Variants in FILIP1L observed in about 807,000 individuals in gnomAD.
The protein encoded by FILIP1L is filamin A-interacting protein 1-like.
A neutral mutation model predicts 96.6 loss-of-function variants in FILIP1L; 55 were observed. The ratio of observed to expected loss-of-function variants is 0.57; its 90% confidence interval spans 0.46 to 0.71. FILIP1L has a LOEUF of 0.71. Ranked by LOEUF, FILIP1L falls within the 30% of genes least tolerant of loss-of-function variation. The pLI is 0.00. For missense variants in FILIP1L, 1,304 were observed against 1,321.2 expected, an observed-to-expected ratio of 0.99 and a Z score of 0.20; for synonymous variants, 467 against 473.9, an observed-to-expected ratio of 0.99 and a Z score of 0.19.
intron 4 of FILIP1L, among the ~76,000 whole-genome samples, chr3:99,883,121 G>A (rs1305656312): frequency 6.6e-6 from 1 of 152,200 alleles, no homozygotes; most frequent in African/African-American, 2.4e-5. Flanking sequence ...TCTACGCTTA[G>A]ATTGAATTAT....
rs75580214 is a variant in FILIP1L, at chr3:100,015,846, A to C, written c.-10-84816T>G. ...TGTAAAATAATCTCTATCACATATGATCATTGTAGGGAATAATGAGGCGAT... is the reference window on the plus strand; with the variant it reads ...TGTAAAATAATCTCTATCACATATGCTCATTGTAGGGAATAATGAGGCGAT... On this transcript the variant is annotated intron_variant, in intron 1 of 5. Coordinates refer to ENST00000477258, the MANE Select transcript of FILIP1L (RefSeq NM_001387850.1). Among the ~76,000 whole-genome samples the C allele has an allele frequency of 4.5e-3, 689 of 152,338 alleles. 7 individuals are homozygous for C. Among genetic ancestry groups the C allele is most frequent in the African/African-American group, 0.016 (675 of 41,582 alleles).
At chr3:99,893,235 G>T (rs7635871) in intron 4 of FILIP1L, among the ~76,000 whole-genome samples, 14,366 of 145,450 alleles carry the variant, frequency 0.099, 818 homozygotes, top group African/African-American at 0.16. Flanking sequence ...GCGCAATCTC[G>T]GCTCACTGCA....
At chr3:99,958,423 G>A (rs1708400950) in intron 1 of FILIP1L, among the ~76,000 whole-genome samples, 1 of 151,980 alleles carries the variant, frequency 6.6e-6, no homozygotes, top group Non-Finnish European at 1.5e-5. Flanking sequence ...TGGGCAGTGT[G>A]TGACTGAGCC....
At chr3:100,102,684 C>T (rs951820657) in intron 1 of FILIP1L, among the ~76,000 whole-genome samples, 2 of 152,138 alleles carry the variant, frequency 1.3e-5, no homozygotes, top group Non-Finnish European at 1.5e-5. Flanking sequence ...GTAGTTACTC[C>T]GTGTTTGACT....
chr3:100,084,741 C>G (rs185015260), intron 1 of FILIP1L, among the ~76,000 whole-genome samples: 63 of 152,240 alleles, frequency 4.1e-4, no homozygotes, highest in South Asian at 3.1e-3. Flanking sequence ...TATTTGTGTT[C>G]CGAAAACTGA....
chr3:99,922,180 A>G (rs1707146433), intron 4 of FILIP1L, among the ~76,000 whole-genome samples: 1 of 152,262 alleles, frequency 6.6e-6, no homozygotes, highest in South Asian at 2.1e-4. Flanking sequence ...GTTCATAATA[A>G]TGAAAGATGA....
intron 1 of FILIP1L, among the ~76,000 whole-genome samples, chr3:100,095,712 T>C (rs955994930): frequency 6.6e-6 from 1 of 152,014 alleles, no homozygotes; most frequent in African/African-American, 2.4e-5. Context: ...TTGGTCTGGG[T>C]AAAAATTTAT....
At chr3:100,094,287 TTTATTG>T (rs1381740805) in intron 1 of FILIP1L, among the ~76,000 whole-genome samples, 2 of 152,202 alleles carry the variant, frequency 1.3e-5, no homozygotes, top group African/African-American at 4.8e-5. Context: ...TGGATTGTTC[TTTATTG>T]TTAAGTTTTA....
chr3:99,849,806 T>G lies in FILIP1L; in HGVS notation c.1870A>C (p.Lys624Gln), dbSNP rs1943570078. 6.2e-7 allele frequency: 1 copy of G among 1,612,940 alleles called. No homozygotes were observed. The highest frequency in any genetic ancestry group is 2.2e-5 in the East Asian group (1 of 44,866). The change falls in exon 5 of 6, where the codon AAG becomes CAG. Residue 624 changes from lysine (K) to glutamine (Q), a missense_variant. Transcript: ENST00000477258. Reference protein sequence around the residue: ...STTALHQENNKIKELSQEVER... With the variant: ...STTALHQENNQIKELSQEVER... ...ACTTCTTGAGAGAGCTCCTTAATCTTATTGTTTTCTTGGTGTAATGCTGTT... is the reference window on the plus strand; with the variant it reads ...ACTTCTTGAGAGAGCTCCTTAATCTGATTGTTTTCTTGGTGTAATGCTGTT...
chr3:99,973,923 T>C (rs558485115), intron 1 of FILIP1L, among the ~76,000 whole-genome samples: 2 of 152,234 alleles, frequency 1.3e-5, no homozygotes, highest in Non-Finnish European at 2.9e-5. Context: ...TTTTCAAAGA[T>C]CTTGCATTGT....
At chr3:100,040,172 G>A (rs1423469494) in intron 1 of FILIP1L, 1 of 151,980 alleles carries the variant, frequency 6.6e-6, no homozygotes, top group Non-Finnish European at 1.5e-5. Context: ...GTGAGAAGTA[G>A]GAACCTAAGA....
intron 1 of FILIP1L, among the ~76,000 whole-genome samples, chr3:99,972,541 G>A (rs150122703): frequency 2.3e-3 from 349 of 152,250 alleles, no homozygotes; most frequent in African/African-American, 8.1e-3. Flanking sequence ...CTCTAGTGCT[G>A]TCTGCTGCTG....
chr3:99,878,976 AGAGTT>A (rs1441671255), intron 4 of FILIP1L, among the ~76,000 whole-genome samples: 1 of 152,234 alleles, frequency 6.6e-6, no homozygotes, highest in Non-Finnish European at 1.5e-5. Context: ...TGAAAATAGT[AGAGTT>A]ATGATCACTG....
intron 1 of FILIP1L, among the ~76,000 whole-genome samples, chr3:99,948,962 A>C (rs1708097117): frequency 6.6e-6 from 1 of 152,096 alleles, no homozygotes; most frequent in Middle Eastern, 3.2e-3. Context: ...TTTTTGCATA[A>C]CTGTGTGGTC....
chr3:99,970,484 G>C (rs1195611547), intron 1 of FILIP1L, among the ~76,000 whole-genome samples: 1 of 152,246 alleles, frequency 6.6e-6, no homozygotes, highest in African/African-American at 2.4e-5. Flanking sequence ...CACCCTATTT[G>C]TGTTCGCTTT....
intron 1 of FILIP1L, among the ~76,000 whole-genome samples, chr3:99,981,187 A>T (rs1172379539): frequency 3.3e-5 from 5 of 152,152 alleles, no homozygotes; most frequent in Non-Finnish European, 5.9e-5. Flanking sequence ...GTTCTTTGAC[A>T]CCTGACTTTT....
intron 1 of FILIP1L, among the ~76,000 whole-genome samples, chr3:99,972,970 A>G (rs1345719663): frequency 6.6e-6 from 1 of 152,220 alleles, no homozygotes; most frequent in East Asian, 1.9e-4. Flanking sequence ...ACCTTTGGCA[A>G]TAAAAGCTGA....
At chr3:100,072,034 C>T (rs752983381) in intron 1 of FILIP1L, among the ~76,000 whole-genome samples, 6 of 152,266 alleles carry the variant, frequency 3.9e-5, no homozygotes, top group South Asian at 4.1e-4. Flanking sequence ...GTAATTAGCA[C>T]GTTAGGATAA....
intron 1 of FILIP1L, chr3:100,025,292 G>A (rs1244232663): frequency 6.6e-6 from 1 of 152,136 alleles, no homozygotes. Context: ...AAACAAAACT[G>A]CTTTTGGGTT....
Sources: gnomAD v4.1 joint callset for allele counts (sites outside exome capture counted in the v4.1 genomes callset) on GRCh38, gnomAD v4.1.1 for gene constraint, MANE v1.5 for transcripts, NCBI Gene and HGNC (gene_info 2026-07-23, HGNC 2026-07-21) for gene names.